LRRC17: variants seen among roughly 807,000 people sequenced by gnomAD.
LRRC17 encodes leucine-rich repeat-containing protein 17.
Under a neutral mutation model 41.5 loss-of-function variants are expected in LRRC17, and 33 were observed. The ratio of observed to expected loss-of-function variants is 0.80; its 90% CI spans 0.60 to 1.06. The LOEUF is 1.06. Ranked by LOEUF, LRRC17 falls within the 50% of genes least tolerant of loss-of-function variation. The pLI, the probability that LRRC17 is intolerant of heterozygous loss-of-function variation, is 0.00. For missense variants in LRRC17, 491 were observed against 519.3 expected (o/e 0.95, Z 0.53); for synonymous variants, 192 against 197.0 (o/e 0.97, Z 0.21).
Position 102,944,407 on chromosome 7 carries a change from C to G in LRRC17, c.1126C>G (p.Leu376Val). 1 of 1,613,906 alleles carries G rather than the reference C, an allele frequency of 6.2e-7. No homozygotes were observed. Among genetic ancestry groups the G allele is most frequent in the Non-Finnish European group, 8.5e-7 (1 of 1,179,934 alleles). Residue 376 changes from leucine (L) to valine (V), a missense_variant, in exon 4 of 4, where the codon CTG becomes GTG. Physicochemically the swap from Leu to Val is conservative, Grantham distance 32. Coordinates refer to ENST00000339431, the MANE Select transcript of LRRC17 (RefSeq NM_001031692.3). ...KHHYNVHFNGLECKTPEEYKG... is the reference protein window; with the variant it reads ...KHHYNVHFNGVECKTPEEYKG... ...CCACTACAATGTCCATTTTAATGGCCTGGAATGCAAAACGCCTGAAGAATA... is the reference window on the plus strand; with the variant it reads ...CCACTACAATGTCCATTTTAATGGCGTGGAATGCAAAACGCCTGAAGAATA...
chr7:102,940,611 A>T (rs1821238137), intron 3 of LRRC17, among the ~76,000 whole-genome samples: 2 of 152,252 alleles, frequency 1.3e-5, no homozygotes, highest in Admixed American at 1.3e-4. Flanking sequence ...ACTGCTAAGC[A>T]CTAAGCTCAA....
intron 2 of LRRC17, among the ~76,000 whole-genome samples, chr7:102,935,025 T>C (rs1460835044): frequency 6.6e-6 from 1 of 152,116 alleles, no homozygotes; most frequent in Non-Finnish European, 1.5e-5. Flanking sequence ...TGAAAATAAG[T>C]GCAAATGCCA....
chr7:102,917,499 C>T (rs184964277), intron 1 of LRRC17, among the ~76,000 whole-genome samples: 19 of 152,224 alleles, frequency 1.2e-4, no homozygotes, highest in Admixed American at 9.8e-4. Context: ...AAAATCACTG[C>T]AGACTTCTGG....
At chr7:102,940,339 A>G (rs577424714) in intron 3 of LRRC17, among the ~76,000 whole-genome samples, 1 of 151,672 alleles carries the variant, frequency 6.6e-6, no homozygotes, top group South Asian at 2.1e-4. Context: ...CCTCCCAAGT[A>G]GCTGGAACTA....
chr7:102,934,571 T>A lies in LRRC17; in HGVS notation c.658T>A (p.Leu220Met), dbSNP rs36040681. Reference protein sequence around the residue: ...QLCNEEEKEQLDPKPQVSGRP... With the variant: ...QLCNEEEKEQMDPKPQVSGRP... ...GTGTAATGAAGAAGAAAAGGAACAA[T>A]TGGACCCGAAACCCCAAGTGTCAGG... Residue 220 changes from leucine to methionine, a missense_variant, in exon 2 of 4, where the codon TTG becomes ATG. Physicochemically the swap from Leu to Met is conservative, Grantham distance 15. Coordinates refer to ENST00000339431, the MANE Select transcript of LRRC17 (RefSeq NM_001031692.3). The A allele has an allele frequency of 4.0e-3, 6,487 of 1,613,980 alleles. 27 individuals carry two copies. The highest frequency in any genetic ancestry group is 0.02 in the Middle Eastern group (124 of 6,062).
chr7:102,937,120 A>ATGTG (rs1468841418), intron 2 of LRRC17, among the ~76,000 whole-genome samples: 40 of 152,216 alleles, frequency 2.6e-4, no homozygotes, highest in African/African-American at 8.9e-4. Flanking sequence ...CACTTAGTAT[A>ATGTG]TGTAACACTG....
At chr7:102,937,144 C>A (rs1437963453) in intron 2 of LRRC17, among the ~76,000 whole-genome samples, 7 of 152,080 alleles carry the variant, frequency 4.6e-5, no homozygotes, top group African/African-American at 1.7e-4. Flanking sequence ...CATCAAAGAA[C>A]AACTTAAGTT....
At chr7:102,932,667 T>G (rs1563111348) in intron 1 of LRRC17, among the ~76,000 whole-genome samples, 1 of 95,052 alleles carries the variant, frequency 1.1e-5, no homozygotes, top group Non-Finnish European at 2.4e-5. Flanking sequence ...CCATGTTGGC[T>G]CACTGCAGCC....
intron 1 of LRRC17, among the ~76,000 whole-genome samples, chr7:102,926,995 G>C (rs921936924): frequency 3.3e-5 from 5 of 152,166 alleles, no homozygotes; most frequent in Non-Finnish European, 5.9e-5. Flanking sequence ...TGGGAGTAGG[G>C]TGGGGGAGGA....
chr7:102,943,707 C>T (rs549006581), intron 3 of LRRC17, among the ~76,000 whole-genome samples: 1 of 152,282 alleles, frequency 6.6e-6, no homozygotes, highest in Non-Finnish European at 1.5e-5. Context: ...ATTACATATA[C>T]GTTTTCAGGA....
intron 1 of LRRC17, among the ~76,000 whole-genome samples, chr7:102,913,589 C>T (rs1446697668): frequency 6.6e-6 from 1 of 152,076 alleles, no homozygotes; most frequent in Non-Finnish European, 1.5e-5. Flanking sequence ...TAGGTTTTAT[C>T]TCTGGAGTAC....
chr7:102,924,238 CAAAAA>C (rs564121170), intron 1 of LRRC17, among the ~76,000 whole-genome samples: 2 of 54,392 alleles, frequency 3.7e-5, no homozygotes, highest in Non-Finnish European at 3.8e-5. Context: ...AACTCCGTCT[CAAAAA>C]AAAAAAAAAA....
At chr7:102,940,846 A>G (rs1167664078) in intron 3 of LRRC17, among the ~76,000 whole-genome samples, 1 of 152,252 alleles carries the variant, frequency 6.6e-6, no homozygotes, top group Non-Finnish European at 1.5e-5. Context: ...TGCTTTCACT[A>G]GGCTACTTCA....
In LRRC17 at chr7:102,934,502, G is replaced by A. The variant is rs775740605; in HGVS notation, c.589G>A (p.Glu197Lys). 9 of 1,613,412 alleles carry A rather than the reference G, an allele frequency of 5.6e-6. No individual in the cohort carries two copies. The Middle Eastern group carries it at 6.6e-4, about 118-fold the overall frequency. The change falls in exon 2 of 4, where the codon GAA becomes AAA. Residue 197 changes from glutamate to lysine, a missense_variant. Physicochemically the swap from Glu to Lys is moderately conservative, Grantham distance 56 (BLOSUM62 1). Transcript: ENST00000339431. ...GNYAKCESPQ[E>K]QKNKKLRQIK... ...CTACGCCAAGTGTGAAAGTCCACAA[G>A]AACAAAAAAATAAAAAACTGCGGCA...
chr7:102,930,002 G>GGT (rs1330169498), intron 1 of LRRC17, among the ~76,000 whole-genome samples: 1 of 152,154 alleles, frequency 6.6e-6, no homozygotes, highest in African/African-American at 2.4e-5. Context: ...AGAATGAACA[G>GGT]GTGTTAGCCA....
At chr7:102,925,865 C>T (rs1249190381) in intron 1 of LRRC17, among the ~76,000 whole-genome samples, 3 of 150,658 alleles carry the variant, frequency 2.0e-5, no homozygotes, top group Non-Finnish European at 4.4e-5. Flanking sequence ...CGCTTGGACC[C>T]GGGAGGCGTA....
chr7:102,922,114 C>T (rs934731463), intron 1 of LRRC17, among the ~76,000 whole-genome samples: 10 of 151,624 alleles, frequency 6.6e-5, no homozygotes, highest in African/African-American at 1.5e-4. Flanking sequence ...TGCTTGAGCC[C>T]GCGAGGCGGA....
chr7:102,918,687 G>A (rs912016113), intron 1 of LRRC17, among the ~76,000 whole-genome samples: 1 of 152,060 alleles, frequency 6.6e-6, no homozygotes, highest in Admixed American at 6.5e-5. Context: ...ATGTGCCCAG[G>A]AGTTTGAGGC....
intron 1 of LRRC17, among the ~76,000 whole-genome samples, chr7:102,916,150 AT>A (rs1053258921): frequency 6.6e-6 from 1 of 151,580 alleles, no homozygotes; most frequent in Non-Finnish European, 1.5e-5. Context: ...CGCCTGGCTA[AT>A]TTTTTTTGTA....
Sources: gnomAD v4.1 joint callset for allele counts (sites outside exome capture counted in the v4.1 genomes callset) on GRCh38, gnomAD v4.1.1 for gene constraint, MANE v1.5 for transcripts, NCBI Gene and HGNC (gene_info 2026-07-23, HGNC 2026-07-21) for gene names.